The following SPAG16 variants were observed in gnomAD, a reference collection of about 807,000 sequenced individuals.
SPAG16 encodes the protein sperm associated antigen 16, also known as sperm-associated antigen 16 protein.
In SPAG16, 86 loss-of-function variants were observed where a neutral mutation model predicts 80.4. The observed-to-expected ratio is 1.07, with a 90% confidence interval of 0.90 to 1.28. SPAG16 has a LOEUF of 1.28. Among genes scored for constraint, SPAG16 ranks in the 50% most tolerant of loss-of-function variants. The pLI, the probability that SPAG16 is intolerant of heterozygous loss-of-function variation, is 0.00. For missense variants in SPAG16, 870 were observed against 765.3 expected (o/e 1.14, Z -1.61); for synonymous variants, 294 against 265.9 (o/e 1.11, Z -1.03).
At chr2:213,887,763 A>G (rs1043943158) in intron 11 of SPAG16, among the ~76,000 whole-genome samples, 1 of 151,724 alleles carries the variant, frequency 6.6e-6, no homozygotes, top group African/African-American at 2.4e-5. Context: ...AGCTGCCAAC[A>G]TGTAAAGAAA....
chr2:214,116,517 G>A lies in SPAG16; in HGVS notation c.1593+8256G>A, dbSNP rs140928891. On this transcript the variant is annotated intron_variant, in intron 14 of 15. Coordinates refer to ENST00000331683, the MANE Select transcript of SPAG16 (RefSeq NM_024532.5). ...TCACGTGGGCCAGTGAGACAGGTTC[G>A]TCAGCTGCTGTCACACAGCAGATCC... 5.1e-3 allele frequency among the ~76,000 whole-genome samples: 773 copies of A among 152,258 alleles called. 5 individuals carry two copies. The highest frequency in any genetic ancestry group is 0.024 in the Middle Eastern group (7 of 294).
At chr2:214,288,990 G>A (rs972480187) in intron 15 of SPAG16, among the ~76,000 whole-genome samples, 3 of 151,924 alleles carry the variant, frequency 2.0e-5, no homozygotes, top group Admixed American at 1.3e-4. Context: ...GGATGGTCTC[G>A]ATCTCCTGAC....
intron 12 of SPAG16, among the ~76,000 whole-genome samples, chr2:213,984,010 T>G (rs988210995): frequency 1.3e-5 from 2 of 152,100 alleles, no homozygotes; most frequent in African/African-American, 4.8e-5. Context: ...TGAGTGGCAT[T>G]AATCTCAGTA....
At chr2:213,346,828 G>C (rs2065021032) in intron 6 of SPAG16, among the ~76,000 whole-genome samples, 1 of 85,342 alleles carries the variant, frequency 1.2e-5, no homozygotes, top group Admixed American at 1.5e-4. Context: ...CAGGGATATT[G>C]GTCTAAAATT....
At chr2:214,108,415 T>G (rs1476926018) in intron 14 of SPAG16, among the ~76,000 whole-genome samples, 154 bp downstream of exon 14, 6 of 150,970 alleles carry the variant, frequency 4.0e-5, no homozygotes, top group Non-Finnish European at 7.4e-5. Context: ...TCTATAGGTA[T>G]ATAGGGTTGC....
At chr2:213,799,988 T>C (rs965916542) in intron 10 of SPAG16, among the ~76,000 whole-genome samples, 3 of 151,956 alleles carry the variant, frequency 2.0e-5, no homozygotes, top group Non-Finnish European at 4.4e-5. Flanking sequence ...AAAAAACTGT[T>C]TTCAGCTCTC....
chr2:214,085,707 A>G (rs1013440170), intron 13 of SPAG16, among the ~76,000 whole-genome samples: 1 of 152,146 alleles, frequency 6.6e-6, no homozygotes, highest in Admixed American at 6.6e-5. Flanking sequence ...AACAATTCCA[A>G]TCATGCCATT....
At chr2:213,644,247 C>T (rs1322825816) in intron 10 of SPAG16, among the ~76,000 whole-genome samples, 1 of 151,920 alleles carries the variant, frequency 6.6e-6, no homozygotes, top group Non-Finnish European at 1.5e-5. Flanking sequence ...TGAATTCCTT[C>T]TCTGTGTTGT....
chr2:213,315,938 T>C (rs1048809918), intron 4 of SPAG16, among the ~76,000 whole-genome samples: 1 of 152,004 alleles, frequency 6.6e-6, no homozygotes. Context: ...TGTTTATGGC[T>C]CACTCCTAGG....
chr2:214,103,768 T>C (rs918462006), intron 13 of SPAG16, among the ~76,000 whole-genome samples: 3 of 152,102 alleles, frequency 2.0e-5, no homozygotes, highest in African/African-American at 7.2e-5. Flanking sequence ...AGACTGTTTA[T>C]TTTCTATTCC....
intron 10 of SPAG16, among the ~76,000 whole-genome samples, chr2:213,681,947 C>G (rs1365312220): frequency 6.6e-6 from 1 of 152,118 alleles, no homozygotes; most frequent in African/African-American, 2.4e-5. Flanking sequence ...AGACATTACC[C>G]AGATCCAGGC....
chr2:213,309,940 A>T (rs1025599891), intron 3 of SPAG16, 119 bp from the exon 4 acceptor site: 5 of 622,958 alleles, frequency 8.0e-6, no homozygotes, highest in Non-Finnish European at 1.1e-5. Flanking sequence ...GGCATATAAC[A>T]GTCAACAAAC....
intron 7 of SPAG16, among the ~76,000 whole-genome samples, chr2:213,362,030 T>C (rs984949492): frequency 3.9e-5 from 6 of 152,106 alleles, no homozygotes; most frequent in African/African-American, 1.4e-4. Context: ...CTCCCATCAG[T>C]ACCAGACAAG....
intron 12 of SPAG16, among the ~76,000 whole-genome samples, chr2:213,940,364 G>T (rs1040879433): frequency 1.3e-5 from 2 of 152,144 alleles, no homozygotes; most frequent in Non-Finnish European, 2.9e-5. Context: ...ATAGCTCACT[G>T]TAGCCTGGAA....
intron 15 of SPAG16, among the ~76,000 whole-genome samples, chr2:214,376,139 A>G (rs908337989): frequency 6.6e-6 from 1 of 152,140 alleles, no homozygotes; most frequent in African/African-American, 2.4e-5. Flanking sequence ...TAAAAGGAAA[A>G]TATGTGACAA....
At chr2:214,217,698 T>C (rs1438062605) in intron 15 of SPAG16, among the ~76,000 whole-genome samples, 1 of 152,208 alleles carries the variant, frequency 6.6e-6, no homozygotes, top group Non-Finnish European at 1.5e-5. Context: ...CTATTTAATA[T>C]CTGCAAACTT....
intron 10 of SPAG16, among the ~76,000 whole-genome samples, chr2:213,649,383 A>C (rs2062943024): frequency 6.6e-6 from 1 of 152,222 alleles, no homozygotes; most frequent in African/African-American, 2.4e-5. Flanking sequence ...CTGGGTGATG[A>C]CTGTTCTACT....
intron 11 of SPAG16, among the ~76,000 whole-genome samples, chr2:213,863,293 G>A (rs1343375087): frequency 6.6e-6 from 1 of 152,040 alleles, no homozygotes; most frequent in Non-Finnish European, 1.5e-5. Context: ...TCTCTGGCCT[G>A]ATTACTTTTT....
chr2:213,419,322 A>G (rs1341542883), intron 9 of SPAG16, among the ~76,000 whole-genome samples: 2 of 152,160 alleles, frequency 1.3e-5, no homozygotes, highest in East Asian at 3.8e-4. Flanking sequence ...GTATTTGTAC[A>G]CATTTTAATT....
Sources: allele counts gnomAD v4.1 joint callset (sites outside exome capture counted in the v4.1 genomes callset), GRCh38; gene constraint gnomAD v4.1.1; transcripts MANE v1.5; gene names NCBI Gene and HGNC (gene_info 2026-07-23, HGNC 2026-07-21).